PLEKHH2: variants seen among roughly 807,000 people sequenced by gnomAD.
PLEKHH2 encodes the protein pleckstrin homology domain-containing family H member 2.
In PLEKHH2, 129 loss-of-function variants were observed where a neutral mutation model predicts 187.9. The observed-to-expected ratio is 0.69, with a 90% CI of 0.59 to 0.79. The LOEUF is 0.79. PLEKHH2 is among the 30% of genes least tolerant of loss of function. The pLI, the probability that PLEKHH2 is intolerant of heterozygous loss-of-function variation, is 0.00. For missense variants in PLEKHH2, 2,076 were observed against 1,751.2 expected (o/e 1.19, Z -3.31); for synonymous variants, 686 against 605.6 (o/e 1.13, Z -1.95).
chr2:43,720,580 C>G (rs1404513264), intron 15 of PLEKHH2, 89 bp from the exon 16 acceptor site: 23 of 1,559,386 alleles, frequency 1.5e-5, no homozygotes, highest in Non-Finnish European at 2.0e-5. Flanking sequence ...AACTGGATGC[C>G]TATAGAAACT....
chr2:43,682,301 A>G (rs1668233342), intron 3 of PLEKHH2, among the ~76,000 whole-genome samples: 1 of 152,168 alleles, frequency 6.6e-6, no homozygotes, highest in African/African-American at 2.4e-5. Context: ...TGGAATTCAC[A>G]TAACATAAAA....
rs1669993007 is a variant in PLEKHH2, at chr2:43,712,062, A to C, written c.2302-163A>C. On this transcript the variant is annotated intron_variant, in intron 14 of 29. Coordinates refer to ENST00000282406, the MANE Select transcript of PLEKHH2 (RefSeq NM_172069.4). The stretch of plus-strand genomic sequence containing the variant: ...GCTGTAATTCTCACAAAGTGGTTAA[A>C]ATATTCTAACTGATATGGAGTCATT... 3.1e-6 allele frequency: 4 copies of C among 1,289,962 alleles called. No individual in the cohort carries two copies. The South Asian group carries it at 6.6e-5, about 21-fold the overall frequency. 79.9% of individuals were successfully genotyped at this position (1,289,962 alleles called of 1,614,324 possible).
intron 2 of PLEKHH2, among the ~76,000 whole-genome samples, chr2:43,673,205 C>A (rs2104406664): frequency 6.6e-6 from 1 of 152,288 alleles, no homozygotes; most frequent in Non-Finnish European, 1.5e-5. Flanking sequence ...TGACCTACTT[C>A]TTTCCTCCTA....
chr2:43,703,391 A>C (rs1284355871), intron 8 of PLEKHH2, among the ~76,000 whole-genome samples: 1 of 152,224 alleles, frequency 6.6e-6, no homozygotes. Flanking sequence ...CAATTCTCAT[A>C]TTCATTTCTT....
rs1306964173 is a variant in PLEKHH2 at position 43,677,885 on chromosome 2, TC to T, written c.124-974del. On this transcript the variant is annotated intron_variant, in intron 2 of 29. Coordinates refer to ENST00000282406, the MANE Select transcript of PLEKHH2 (RefSeq NM_172069.4). ...CGGCTGGCCGGGCGGGGGGCTGATCTCCCCACCTCCCTCCAGGACGGGGCGG... is the reference window on the plus strand; with the variant it reads ...CGGCTGGCCGGGCGGGGGGCTGATCTCCCACCTCCCTCCAGGACGGGGCGG... Among the ~76,000 whole-genome samples, 5 of 146,342 alleles carry T rather than the reference TC, an allele frequency of 3.4e-5. No individual in the cohort carries two copies. The East Asian group carries it at 1.1e-3, about 31-fold the overall frequency.
At chr2:43,711,509 T>A (rs1669964170) in intron 14 of PLEKHH2, 2 of 953,650 alleles carry the variant, frequency 2.1e-6, no homozygotes, top group African/African-American at 1.8e-5. Context: ...ATAGTTGATT[T>A]TGTCATTTGT....
At chr2:43,761,555 C>T (rs550536421) in intron 27 of PLEKHH2, among the ~76,000 whole-genome samples, 38 of 151,930 alleles carry the variant, frequency 2.5e-4, no homozygotes, top group African/African-American at 7.5e-4. Context: ...GGATTACAGG[C>T]GTGCACCACC....
intron 15 of PLEKHH2, among the ~76,000 whole-genome samples, chr2:43,715,014 A>G (rs1344938748): frequency 2.6e-5 from 4 of 152,164 alleles, no homozygotes; most frequent in Non-Finnish European, 5.9e-5. Context: ...GCAGTGGCTT[A>G]TGCCTGTAAT....
intron 15 of PLEKHH2, among the ~76,000 whole-genome samples, chr2:43,715,751 T>C (rs1377098667): frequency 1.3e-5 from 2 of 152,086 alleles, no homozygotes; most frequent in Non-Finnish European, 2.9e-5. Context: ...GATTAGGTGA[T>C]TTTGGAAGAC....
rs529114717 is a variant in PLEKHH2, at chr2:43,659,453, T to G, written c.123+14657T>G. Among the ~76,000 whole-genome samples, 7 of 152,302 alleles carry G rather than the reference T, an allele frequency of 4.6e-5. No individual in the cohort carries two copies. The South Asian group carries it at 1.5e-3, about 32-fold the overall frequency. The stretch of plus-strand genomic sequence containing the variant: ...TCCTAAACATAAGAAATCTGAAGTC[T>G]TTCACATGGTGTTATCATTTTTATT... On this transcript the variant is annotated intron_variant, in intron 2 of 29. Transcript: ENST00000282406.
At chr2:43,762,263 G>A in intron 27 of PLEKHH2, 41 bp from the exon 28 acceptor site, 1 of 1,391,088 alleles carries the variant, frequency 7.2e-7, no homozygotes, top group Non-Finnish European at 1.0e-6. Context: ...CTGTAATTTT[G>A]CTTAGTATTT....
intron 2 of PLEKHH2, among the ~76,000 whole-genome samples, chr2:43,668,316 G>A (rs1660960599): frequency 6.6e-6 from 1 of 152,180 alleles, no homozygotes; most frequent in Non-Finnish European, 1.5e-5. Context: ...ATAGGCATGA[G>A]CCATCGCACC....
Position 43,722,057 on chromosome 2 carries a change from C to G in PLEKHH2, c.2541+1308C>G, listed in dbSNP as rs1206044918. Among the ~76,000 whole-genome samples the G allele has an allele frequency of 4.0e-5, 6 of 151,074 alleles. No individual in the cohort carries two copies. In the East Asian group the frequency reaches 1.2e-3, roughly 29 times the overall value. ...TACAGGTGTAAAAGATCTAATGCCA[C>G]CCTAGGCAACATAGCAAAACCTAGT... On this transcript the variant is annotated intron_variant, in intron 16 of 29. Transcript: ENST00000282406.
rs192959614 is a variant in PLEKHH2, at chr2:43,710,298, A to G, written c.2182A>G (p.Lys728Glu). 5 of 1,614,098 alleles carry G rather than the reference A, an allele frequency of 3.1e-6. No homozygotes were observed. The highest frequency in any genetic ancestry group is 4.2e-6 in the Non-Finnish European group (5 of 1,179,942). The stretch of plus-strand genomic sequence containing the variant: ...TTGGAAGCGGCGGTGGTTTGTTCTT[A>G]AAGGTGGTGAATTACTTTACTACAA... Reference protein sequence around the residue: ...KSWKRRWFVLKGGELLYYKSP... With the variant: ...KSWKRRWFVLEGGELLYYKSP... The change falls in exon 13 of 30, where the codon AAA becomes GAA. Residue 728 changes from lysine to glutamate, a missense_variant. Transcript: ENST00000282406.
chr2:43,655,069 T>C (rs1256641304), intron 2 of PLEKHH2, among the ~76,000 whole-genome samples: 2 of 151,432 alleles, frequency 1.3e-5, no homozygotes, highest in Admixed American at 6.6e-5. Context: ...TAGCCAGGTG[T>C]GGTGTGCACA....
intron 3 of PLEKHH2, 65 bp downstream of exon 3, chr2:43,678,990 A>G (rs1228613087): frequency 3.6e-6 from 4 of 1,123,446 alleles, no homozygotes; most frequent in African/African-American, 1.5e-5. Flanking sequence ...TGTTTTGCTC[A>G]TAATGGAAAG....
intron 18 of PLEKHH2, among the ~76,000 whole-genome samples, chr2:43,730,433 C>G (rs1670981681): frequency 6.6e-6 from 1 of 152,214 alleles, no homozygotes; most frequent in African/African-American, 2.4e-5. Context: ...GAGTCTCACT[C>G]TGTCACCCAG....
chr2:43,759,656 A>G (rs747052028), intron 27 of PLEKHH2, among the ~76,000 whole-genome samples: 1 of 152,190 alleles, frequency 6.6e-6, no homozygotes, highest in Non-Finnish European at 1.5e-5. Context: ...CTTAAGATAC[A>G]TCTTGCCTTG....
intron 3 of PLEKHH2, 27 bp downstream of exon 3, chr2:43,678,952 T>G: frequency 6.5e-7 from 1 of 1,543,072 alleles, no homozygotes; most frequent in Non-Finnish European, 8.9e-7. Context: ...CTTTAAATTT[T>G]TTTTGCCTGT....
Sources: gnomAD v4.1 joint callset for allele counts (sites outside exome capture counted in the v4.1 genomes callset) on GRCh38, gnomAD v4.1.1 for gene constraint, MANE v1.5 for transcripts, NCBI Gene and HGNC (gene_info 2026-07-23, HGNC 2026-07-21) for gene names.